TASOR2: variants seen among roughly 807,000 people sequenced by gnomAD.
TASOR2 encodes the protein transcription activation suppressor family member 2, also known as protein TASOR 2.
TASOR2 carries 84 observed loss-of-function variants against 199.5 expected under a neutral mutation model. The ratio of observed to expected loss-of-function variants is 0.42; its 90% CI spans 0.35 to 0.50. The LOEUF (loss-of-function observed/expected upper bound fraction) is 0.50. TASOR2 is among the 20% of genes least tolerant of loss of function. TASOR2 has a pLI of 0.02. For missense variants in TASOR2, 2,796 were observed against 2,835.9 expected (o/e 0.99, Z 0.32); for synonymous variants, 1,103 against 1,046.6 (o/e 1.05, Z -1.04).
intron 17 of TASOR2, among the ~76,000 whole-genome samples, chr10:5,758,217 A>T (rs758583947): frequency 1.3e-5 from 2 of 152,204 alleles, no homozygotes; most frequent in Non-Finnish European, 2.9e-5. Context: ...CAAAAGCAGC[A>T]TGTACCTTAA....
chr10:5,739,236 T>C (rs1038850811), intron 12 of TASOR2, among the ~76,000 whole-genome samples: 1 of 152,186 alleles, frequency 6.6e-6, no homozygotes, highest in African/African-American at 2.4e-5. Flanking sequence ...AGGACTCTCA[T>C]CTTTTTTGGG....
rs374584964 is a variant in TASOR2, at chr10:5,746,575, A to G, written c.3154A>G (p.Ile1052Val). 5.1e-5 allele frequency: 83 copies of G among 1,614,030 alleles called. 1 individual carries two copies. The highest frequency in any genetic ancestry group is 4.7e-4 in the African/African-American group (35 of 74,914). ...GTGTGCAGTGATTAACCCGGAACCA[A>G]TTACTCTCACCTTTGAAAAAAATGC... Residue 1052 changes from isoleucine to valine, a missense_variant, in exon 15 of 21, where the codon ATT becomes GTT. Ile to Val is a conservative substitution (Grantham distance 29). Around this residue, in one of 3 missense-constraint regions of TASOR2, gnomAD observed 1,941 missense variants for 1,924.9 expected, o/e 1.01. Coordinates refer to ENST00000328090, the Ensembl canonical transcript of TASOR2.
At position 5,737,190 on chromosome 10, in the gene TASOR2, C is replaced by T. The variant is rs1454915628; in HGVS notation, c.1447+1644C>T. 2.6e-5 allele frequency among the ~76,000 whole-genome samples: 4 copies of T among 151,902 alleles called. No homozygotes were observed. On this transcript the variant is annotated intron_variant, in intron 12 of 20. Transcript: ENST00000328090. The surrounding 1 kb of genome is among the most constrained non-coding windows in gnomAD (Gnocchi z 4.9). ...GGCCAGGATAGTCTCAACTTCTTGACCTCTTGACCTCATGCTCTGCCTGCC... is the reference window on the plus strand; with the variant it reads ...GGCCAGGATAGTCTCAACTTCTTGATCTCTTGACCTCATGCTCTGCCTGCC...
In TASOR2 at chr10:5,722,312, C is replaced by T. The variant is rs762399987; in HGVS notation, c.146+1342C>T. Among the ~76,000 whole-genome samples the T allele has an allele frequency of 2.6e-5, 4 of 151,964 alleles. No individual in the cohort carries two copies. Among genetic ancestry groups the T allele is most frequent in the Non-Finnish European group, 4.4e-5 (3 of 67,998 alleles). ...CCTAATAAAAATACAAAAAATTAGCCGGGCGTGGTGGCACGTGCCTGTGAT... is the reference window on the plus strand; with the variant it reads ...CCTAATAAAAATACAAAAAATTAGCTGGGCGTGGTGGCACGTGCCTGTGAT... On this transcript the variant is annotated intron_variant, in intron 6 of 20. Coordinates refer to ENST00000328090, the Ensembl canonical transcript of TASOR2. The surrounding 1 kb of genome is among the most constrained non-coding windows in gnomAD (Gnocchi z 4.0).
At position 5,742,166 on chromosome 10, in the gene TASOR2, G is replaced by A; in HGVS notation, c.2397G>A (p.Leu799=). The change falls in exon 14 of 21, where the codon CTG becomes CTA. Residue 799 remains leucine, a synonymous_variant. Transcript: ENST00000328090. This position sits in a 1 kb window ranked among gnomAD's most constrained non-coding sequence, Gnocchi z 4.2. The stretch of plus-strand genomic sequence containing the variant: ...TTTTACTTCATATGTGGGTAGCTCT[G>A]TTTTACAGCAATCAGAACAAAATCA... The A allele has an allele frequency of 1.2e-6, 2 of 1,614,174 alleles. No individual in the cohort carries two copies.
intron 19 of TASOR2, 67 bp from the exon 21 acceptor site, chr10:5,762,465 C>A: frequency 2.4e-6 from 1 of 415,218 alleles, no homozygotes; most frequent in Non-Finnish European, 4.1e-6. Context: ...AATAAAAAAC[C>A]AGGTCCTGTT....
rs200618052 is a variant in TASOR2 at position 5,727,026 on chromosome 10, C to G, written c.425-35C>G. ...ACTTTTGCTTTATAAGATCAACAACCTAACTTTTCTTCTTCTGATTCTCAT... is the reference window on the plus strand; with the variant it reads ...ACTTTTGCTTTATAAGATCAACAACGTAACTTTTCTTCTTCTGATTCTCAT... On this transcript the variant is annotated intron_variant, in intron 9 of 20. Coordinates refer to ENST00000328090, the Ensembl canonical transcript of TASOR2. 1.4e-4 allele frequency: 227 copies of G among 1,613,588 alleles called. 1 individual carries two copies. The African/African-American group carries it at 2.6e-3, about 18-fold the overall frequency.
Position 5,747,220 on chromosome 10 carries a change from G to T in TASOR2, c.3799G>T (p.Val1267Leu), listed in dbSNP as rs867495578. The T allele has an allele frequency of 8.1e-6, 13 of 1,614,036 alleles. No individual in the cohort carries two copies. In the African/African-American group the frequency reaches 1.5e-4, roughly 18 times the overall value. The stretch of plus-strand genomic sequence containing the variant: ...ATTTATCAAACAAACAAGCCTGTCT[G>T]TGAGTAGAGAGGTCAGCCTAGAGTT... Residue 1267 changes from valine to leucine, a missense_variant, in exon 15 of 21, where the codon GTG (valine) becomes TTG (leucine). Physicochemically the swap from Val to Leu is conservative, Grantham distance 32. Transcript: ENST00000328090.
chr10:5,761,198 A>C, intron 18 of TASOR2, 92 bp from the exon 20 acceptor site: 7 of 1,023,292 alleles, frequency 6.8e-6, no homozygotes, highest in Non-Finnish European at 8.6e-6. Context: ...AGGCAGAGGA[A>C]CTCATGAGTT....
chr10:5,708,007 G>A (rs1263472671), intron 1 of TASOR2, among the ~76,000 whole-genome samples: 1 of 152,024 alleles, frequency 6.6e-6, no homozygotes. Flanking sequence ...TATCAACATA[G>A]CTACTTTTCC....
exon 15 of TASOR2, chr10:5,749,647 A>G: frequency 6.2e-7 from 1 of 1,614,194 alleles, no homozygotes; most frequent in African/African-American, 1.3e-5. Context: ...ATGTAGTCAT[A>G]ATAGAGATCT....
chr10:5,762,962 CCGCTTATAAAATATTTCTTGTT>C (rs1175517251), intron 20 of TASOR2, 45 bp from the exon 22 acceptor site: 13 of 1,483,912 alleles, frequency 8.8e-6, no homozygotes, highest in Middle Eastern at 1.7e-4. Context: ...TTAGAGCATC[CCGCTTATAAAATATTTCTTGTT>C]CGTATTATTT....
rs1408263042 is a variant in TASOR2 at position 5,698,363 on chromosome 10, A to C, written c.-288+13188A>C. 6.6e-6 allele frequency among the ~76,000 whole-genome samples: 1 copy of C among 152,232 alleles called. No homozygotes were observed. Among genetic ancestry groups the C allele is most frequent in the Non-Finnish European group, 1.5e-5 (1 of 68,032 alleles). ...CACTGTAGAGATGTGAGTGATAAAA[A>C]AATGATTGTGGTTGTAAGCCAGTGA... On this transcript the variant is annotated intron_variant, in intron 1 of 20. Transcript: ENST00000328090. This position sits in a 1 kb window ranked among gnomAD's most constrained non-coding sequence, Gnocchi z 4.4.
chr10:5,699,868 A>G lies in TASOR2; in HGVS notation c.-287-12955A>G. The stretch of plus-strand genomic sequence containing the variant: ...ATAGATGTACACAGTTTTAGGATAC[A>G]TGTGATAATACAGTCATATAATTTG... On this transcript the variant is annotated intron_variant, in intron 1 of 20. Transcript: ENST00000328090. The surrounding 1 kb of genome is among the most constrained non-coding windows in gnomAD (Gnocchi z 4.1). 2.5e-6 allele frequency: 1 copy of G among 402,256 alleles called. No individual in the cohort carries two copies. The highest frequency in any genetic ancestry group is 3.4e-6 in the Non-Finnish European group (1 of 296,922). 24.9% of individuals were successfully genotyped at this position (402,256 alleles called of 1,614,324 possible).
In TASOR2 at chr10:5,722,050, A is replaced by G. The variant is rs1169303239; in HGVS notation, c.146+1080A>G. 6.6e-6 allele frequency among the ~76,000 whole-genome samples: 1 copy of G among 152,110 alleles called. No homozygotes were observed. Among genetic ancestry groups the G allele is most frequent in the Non-Finnish European group, 1.5e-5 (1 of 68,022 alleles). ...TGGAAATTGTTTTCTTTTTTTGTGAAGGAACTTAGTGAGACAGTTGGCAGC... is the reference window on the plus strand; with the variant it reads ...TGGAAATTGTTTTCTTTTTTTGTGAGGGAACTTAGTGAGACAGTTGGCAGC... On this transcript the variant is annotated intron_variant, in intron 6 of 20. Coordinates refer to ENST00000328090, the Ensembl canonical transcript of TASOR2. The surrounding 1 kb of genome is among the most constrained non-coding windows in gnomAD (Gnocchi z 4.0).
chr10:5,726,802 A>G (rs1834107627), intron 8 of TASOR2, 83 bp from the exon 10 acceptor site: 3 of 1,249,556 alleles, frequency 2.4e-6, no homozygotes, highest in African/African-American at 1.5e-5. Flanking sequence ...CTTGAGGTCA[A>G]TATTCACTAA....
rs1374534341 is a variant in TASOR2, at chr10:5,738,105, A to T, written c.1448-1513A>T. Among the ~76,000 whole-genome samples, 1 of 152,228 alleles carries T rather than the reference A, an allele frequency of 6.6e-6. No individual in the cohort carries two copies. Among genetic ancestry groups the T allele is most frequent in the Non-Finnish European group, 1.5e-5 (1 of 68,040 alleles). ...TTTGCAAATTACTGATTTAAATTAG[A>T]ATCAAATGATAATTTTGAAGTCAGA... On this transcript the variant is annotated intron_variant, in intron 12 of 20. Transcript: ENST00000328090. This position sits in a 1 kb window ranked among gnomAD's most constrained non-coding sequence, Gnocchi z 4.7.
chr10:5,692,765 C>A (rs1315533646), intron 1 of TASOR2: 2 of 151,776 alleles, frequency 1.3e-5, no homozygotes, highest in Non-Finnish European at 2.9e-5. Context: ...CCCTTGTTGA[C>A]TTTCAAAAGG....
At chr10:5,691,676 A>G (rs1836441680) in intron 1 of TASOR2, among the ~76,000 whole-genome samples, 2 of 152,218 alleles carry the variant, frequency 1.3e-5, no homozygotes, top group South Asian at 2.1e-4. Flanking sequence ...CTTCTGGGCA[A>G]TGCATGTGGG....
Sources: gnomAD v4.1 joint callset for allele counts (sites outside exome capture counted in the v4.1 genomes callset) on GRCh38, gnomAD v4.1.1 for gene constraint, gnomAD v4.1.1 regional missense constraint, Gnocchi (gnomAD v3.1) non-coding constraint, MANE v1.5 for transcripts, NCBI Gene and HGNC (gene_info 2026-07-23, HGNC 2026-07-21) for gene names.